Variants in SORT1 observed in about 807,000 individuals in gnomAD.
SORT1 encodes the protein sortilin.
Under a neutral mutation model 101.7 loss-of-function variants are expected in SORT1, and 39 were observed. The observed-to-expected ratio is 0.38, with a 90% CI of 0.30 to 0.50. The LOEUF (loss-of-function observed/expected upper bound fraction) is 0.50. Ranked by LOEUF, SORT1 falls within the 20% of genes least tolerant of loss-of-function variation. The pLI, the probability that SORT1 is intolerant of heterozygous loss-of-function variation, is 0.90. For missense variants in SORT1, 878 were observed against 1,040.4 expected (o/e 0.84, Z 2.15); for synonymous variants, 396 against 393.7 (o/e 1.01, Z -0.07).
Position 109,313,436 on chromosome 1 carries a change from G to C in SORT1, c.*607C>G, listed in dbSNP as rs1401757388. On this transcript the variant is annotated 3_prime_UTR_variant, in exon 20 of 20. Coordinates refer to ENST00000256637, the MANE Select transcript of SORT1 (RefSeq NM_002959.7). ...TATTGCCTAATTAAACAAGGGAAAA[G>C]AAAAATCACTGTGGTCTGTGGTCTC... The C allele has an allele frequency of 6.6e-6, 1 of 151,422 alleles. No homozygotes were observed. The highest frequency in any genetic ancestry group is 1.5e-5 in the Non-Finnish European group (1 of 67,882). 9.4% of individuals were successfully genotyped at this position (151,422 alleles called of 1,614,324 possible). A position where few individuals can be genotyped will look rare whatever the true frequency, so the allele number is the denominator to read the frequency against.
At chr1:109,397,512 G>C (rs1278566807) in intron 1 of SORT1, 75 bp downstream of exon 1, 2 of 979,320 alleles carry the variant, frequency 2.0e-6, no homozygotes, top group African/African-American at 3.5e-5. Flanking sequence ...CGGGAGTCGC[G>C]GGGCGCACGG....
Position 109,397,771 on chromosome 1 carries a change from G to A in SORT1, c.122C>T (p.Pro41Leu). ...TLSQDRLDAP[P>L]PPAAPLPRWS... ...GCGCGGCAGCGGCGCAGCGGGCGGCGGCGGCGCGTCCAGCCGGTCCTGGCT... is the reference window on the plus strand; with the variant it reads ...GCGCGGCAGCGGCGCAGCGGGCGGCAGCGGCGCGTCCAGCCGGTCCTGGCT... Residue 41 changes from proline (P) to leucine (L), a missense_variant, in exon 1 of 20, where the codon CCG becomes CTG. Physicochemically the swap from Pro to Leu is moderately conservative, Grantham distance 98. This residue lies in a region of SORT1 where 194 missense variants were observed against 145.9 expected (regional missense o/e 1.33). Coordinates refer to ENST00000256637, the MANE Select transcript of SORT1 (RefSeq NM_002959.7). 1 of 1,213,846 alleles carries A rather than the reference G, an allele frequency of 8.2e-7. No homozygotes were observed. Among genetic ancestry groups the A allele is most frequent in the Non-Finnish European group, 1.0e-6 (1 of 974,444 alleles). 75.2% of individuals were successfully genotyped at this position (1,213,846 alleles called of 1,614,324 possible).
intron 17 of SORT1, 31 bp downstream of exon 17, chr1:109,316,819 G>T: frequency 7.5e-7 from 1 of 1,339,780 alleles, no homozygotes. Flanking sequence ...AATCCCATTT[G>T]TACCTGAAAA....
intron 3 of SORT1, among the ~76,000 whole-genome samples, chr1:109,361,218 T>C (rs751749371): frequency 1.1e-4 from 17 of 152,262 alleles, no homozygotes; most frequent in Non-Finnish European, 1.2e-4. Flanking sequence ...AACATTTTAC[T>C]TAGATATTGT....
At chr1:109,349,301 C>T (rs576309365) in intron 6 of SORT1, among the ~76,000 whole-genome samples, 1 of 151,660 alleles carries the variant, frequency 6.6e-6, no homozygotes, top group South Asian at 2.1e-4. Flanking sequence ...GCCGAGATTG[C>T]ACCACAGCAC....
At chr1:109,366,575 T>C (rs1051887724) in intron 3 of SORT1, among the ~76,000 whole-genome samples, 1 of 152,174 alleles carries the variant, frequency 6.6e-6, no homozygotes, top group Non-Finnish European at 1.5e-5. Context: ...CCAACCTCCT[T>C]GGAACCAGGT....
At chr1:109,394,838 C>T (rs139067514) in intron 1 of SORT1, among the ~76,000 whole-genome samples, 2 of 152,222 alleles carry the variant, frequency 1.3e-5, no homozygotes, top group African/African-American at 2.4e-5. Context: ...TTTCTTGGGA[C>T]TCGAATCCTG....
intron 3 of SORT1, among the ~76,000 whole-genome samples, chr1:109,357,502 G>A (rs1557807854): frequency 6.6e-6 from 1 of 152,180 alleles, no homozygotes; most frequent in Admixed American, 6.5e-5. Context: ...AGTTAATTAA[G>A]GGCAAAATTG....
chr1:109,334,498 C>A (rs555720929), intron 11 of SORT1, among the ~76,000 whole-genome samples: 1 of 152,150 alleles, frequency 6.6e-6, no homozygotes, highest in South Asian at 2.1e-4. Context: ...CTCACAGAAG[C>A]AGGGAGTAGA....
At chr1:109,363,460 TACAC>T (rs947543375) in intron 3 of SORT1, among the ~76,000 whole-genome samples, 4 of 152,300 alleles carry the variant, frequency 2.6e-5, no homozygotes, top group African/African-American at 9.6e-5. Flanking sequence ...TGCATGTACA[TACAC>T]ACAAACATAT....
At chr1:109,369,979 C>G (rs1405382921) in intron 1 of SORT1, among the ~76,000 whole-genome samples, 1 of 152,170 alleles carries the variant, frequency 6.6e-6, no homozygotes, top group African/African-American at 2.4e-5. Context: ...ACCAAATCAA[C>G]ATAATTTAAA....
Position 109,314,030 on chromosome 1 carries a change from C to T in SORT1, c.*13G>A, listed in dbSNP as rs773251834. 2.0e-5 allele frequency: 32 copies of T among 1,613,638 alleles called. No homozygotes were observed. Among genetic ancestry groups the T allele is most frequent in the African/African-American group, 5.3e-5 (4 of 74,908 alleles). On this transcript the variant is annotated 3_prime_UTR_variant, in exon 20 of 20. Transcript: ENST00000256637. The stretch of plus-strand genomic sequence containing the variant: ...GTTCCACCATCCATGCTGGGTCCAG[C>T]TCCTCTGAAGAGCTATTCCAAGAGG...
chr1:109,392,342 C>T (rs1652964537), intron 1 of SORT1, among the ~76,000 whole-genome samples: 1 of 152,182 alleles, frequency 6.6e-6, no homozygotes, highest in African/African-American at 2.4e-5. Flanking sequence ...CGAGAGTTGA[C>T]TGGAAACTGG....
intron 1 of SORT1, among the ~76,000 whole-genome samples, chr1:109,390,131 G>A (rs998905357): frequency 9.9e-5 from 15 of 152,008 alleles, no homozygotes; most frequent in African/African-American, 1.9e-4. Context: ...CCTTCGTGCC[G>A]TTACAGATCT....
At chr1:109,329,548 C>T (rs1366263930) in intron 11 of SORT1, among the ~76,000 whole-genome samples, 4 of 152,108 alleles carry the variant, frequency 2.6e-5, no homozygotes, top group Non-Finnish European at 5.9e-5. Flanking sequence ...CCACCATGTC[C>T]AGCCGGGGGT....
At chr1:109,370,518 T>C (rs113658464) in intron 1 of SORT1, among the ~76,000 whole-genome samples, 65 of 152,190 alleles carry the variant, frequency 4.3e-4, no homozygotes, top group African/African-American at 1.4e-3. Context: ...TCAAACCATA[T>C]AGAAATTACA....
chr1:109,380,335 T>G (rs950346397), intron 1 of SORT1, among the ~76,000 whole-genome samples: 1 of 152,008 alleles, frequency 6.6e-6, no homozygotes, highest in African/African-American at 2.4e-5. Context: ...TTTATAACCT[T>G]GGAATGGGAA....
At chr1:109,341,681 C>G (rs144161385) in intron 9 of SORT1, among the ~76,000 whole-genome samples, 208 of 152,282 alleles carry the variant, frequency 1.4e-3, no homozygotes, top group African/African-American at 5.0e-3. Context: ...TTAGATCCAA[C>G]AGACATAAAA....
At chr1:109,387,887 T>C (rs1002149589) in intron 1 of SORT1, among the ~76,000 whole-genome samples, 3 of 152,012 alleles carry the variant, frequency 2.0e-5, no homozygotes, top group East Asian at 1.9e-4. Context: ...GAGGCGGAGG[T>C]TGCAGTGAGC....
Sources: allele counts gnomAD v4.1 joint callset (sites outside exome capture counted in the v4.1 genomes callset), GRCh38; gene constraint gnomAD v4.1.1; regional missense constraint gnomAD v4.1.1; transcripts MANE v1.5; gene names NCBI Gene and HGNC (gene_info 2026-07-23, HGNC 2026-07-21).